The following EIF3H variants were observed in gnomAD, a reference collection of about 807,000 sequenced individuals.
The protein encoded by EIF3H is eukaryotic translation initiation factor 3 subunit H.
EIF3H carries 26 observed loss-of-function variants against 44.2 expected under a neutral mutation model. The ratio of observed to expected loss-of-function variants is 0.59; its 90% CI spans 0.43 to 0.82. The LOEUF (loss-of-function observed/expected upper bound fraction) is 0.82. EIF3H is among the 40% of genes least tolerant of loss of function. The pLI, the probability that EIF3H is intolerant of heterozygous loss-of-function variation, is 0.00. For synonymous variants in EIF3H, 166 were observed against 151.9 expected, an observed-to-expected ratio of 1.09 and a Z score of -0.68; for missense variants, 359 against 432.8, an observed-to-expected ratio of 0.83 and a Z score of 1.51.
chr8:116,722,595 T>C (rs1814768309), intron 2 of EIF3H, among the ~76,000 whole-genome samples: 1 of 152,200 alleles, frequency 6.6e-6, no homozygotes, highest in Non-Finnish European at 1.5e-5. Context: ...TGTAGTATTA[T>C]ATTTTTTTAA....
chr8:116,695,266 A>C (rs970295512), intron 2 of EIF3H, among the ~76,000 whole-genome samples: 3 of 151,954 alleles, frequency 2.0e-5, no homozygotes, highest in Non-Finnish European at 4.4e-5. Flanking sequence ...ATGGGGTTTC[A>C]CCATGTTGGC....
At chr8:116,649,038 A>G in intron 5 of EIF3H, 112 bp from the exon 6 acceptor site, 1 of 912,262 alleles carries the variant, frequency 1.1e-6, no homozygotes, top group East Asian at 2.9e-5. Context: ...AAAGAATGAG[A>G]GCACACATAT....
intron 2 of EIF3H, among the ~76,000 whole-genome samples, chr8:116,723,461 TA>T (rs1037093208): frequency 6.6e-6 from 1 of 152,158 alleles, no homozygotes; most frequent in African/African-American, 2.4e-5. Flanking sequence ...CATAAGGGTT[TA>T]AAAAAATCCA....
intron 1 of EIF3H, among the ~76,000 whole-genome samples, chr8:116,752,403 T>G (rs1295268614): frequency 1.3e-5 from 2 of 152,094 alleles, no homozygotes; most frequent in African/African-American, 4.8e-5. Flanking sequence ...CACAGTAATC[T>G]GAGTGTTTAC....
chr8:116,723,690 A>G (rs1392179608), intron 2 of EIF3H, among the ~76,000 whole-genome samples: 2 of 152,366 alleles, frequency 1.3e-5, no homozygotes, highest in Middle Eastern at 3.4e-3. Flanking sequence ...GTTAAAAGTC[A>G]TATCAAAAAT....
At chr8:116,676,614 G>A (rs1266491655) in intron 2 of EIF3H, among the ~76,000 whole-genome samples, 2 of 152,174 alleles carry the variant, frequency 1.3e-5, no homozygotes, top group African/African-American at 4.8e-5. Flanking sequence ...GATGAGATCT[G>A]GATGGGGTCA....
intron 1 of EIF3H, among the ~76,000 whole-genome samples, chr8:116,727,422 G>A (rs902668683): frequency 6.6e-6 from 1 of 152,224 alleles, no homozygotes; most frequent in Non-Finnish European, 1.5e-5. Context: ...AACTAAAACT[G>A]AGAAGAGTCC....
intron 2 of EIF3H, among the ~76,000 whole-genome samples, chr8:116,680,902 C>T (rs980298201): frequency 6.7e-6 from 1 of 150,078 alleles, no homozygotes; most frequent in African/African-American, 2.5e-5. Flanking sequence ...ATGTTTATTG[C>T]GCATGTCTGG....
At chr8:116,722,245 C>T (rs1441187438) in intron 2 of EIF3H, among the ~76,000 whole-genome samples, 1 of 152,186 alleles carries the variant, frequency 6.6e-6, no homozygotes, top group Non-Finnish European at 1.5e-5. Flanking sequence ...ACTTGGTTCT[C>T]ATTTTCTTTC....
At position 116,672,749 on chromosome 8, in the gene EIF3H, A is replaced by G. The variant is rs552156900; in HGVS notation, c.290-13769T>C. Among the ~76,000 whole-genome samples, 20 of 152,314 alleles carry G rather than the reference A, an allele frequency of 1.3e-4. No homozygotes were observed. The Middle Eastern group carries it at 0.01, about 78-fold the overall frequency. ...AGATTTCTAGTCTAAAGATGACACC[A>G]AAGAGCTTATGTGGGTTCCCTGACA... On this transcript the variant is annotated intron_variant, in intron 2 of 7. Transcript: ENST00000521861.
At chr8:116,702,623 TATA>T (rs1814396875) in intron 2 of EIF3H, among the ~76,000 whole-genome samples, 1 of 152,034 alleles carries the variant, frequency 6.6e-6, no homozygotes, top group South Asian at 2.1e-4. Context: ...ATGAGCAATA[TATA>T]ATATAAACTG....
intron 2 of EIF3H, among the ~76,000 whole-genome samples, chr8:116,683,180 T>C (rs545872447): frequency 6.6e-6 from 1 of 152,348 alleles, no homozygotes; most frequent in East Asian, 1.9e-4. Context: ...GGCTGCTTCA[T>C]ACATATTTGC....
At chr8:116,698,295 T>C (rs1335686197) in intron 2 of EIF3H, among the ~76,000 whole-genome samples, 3 of 152,086 alleles carry the variant, frequency 2.0e-5, no homozygotes, top group Admixed American at 6.5e-5. Context: ...AAAAGGGGCA[T>C]AAGGTACAAT....
intron 1 of EIF3H, among the ~76,000 whole-genome samples, chr8:116,746,166 T>C (rs1190450506): frequency 6.6e-6 from 1 of 152,184 alleles, no homozygotes; most frequent in Non-Finnish European, 1.5e-5. Context: ...ATATGACTGA[T>C]TATCAAACGT....
At chr8:116,689,085 A>G (rs1185700270) in intron 2 of EIF3H, 1 of 448,050 alleles carries the variant, frequency 2.2e-6, no homozygotes, top group Admixed American at 2.4e-5. Context: ...TTAATGGAAT[A>G]CTACTCAGCA....
intron 2 of EIF3H, among the ~76,000 whole-genome samples, chr8:116,716,346 A>C (rs1814659022): frequency 6.6e-6 from 1 of 152,058 alleles, no homozygotes; most frequent in African/African-American, 2.4e-5. Context: ...ATTACAACTT[A>C]ATATGTGTTT....
chr8:116,654,443 A>AT (rs1813454040), intron 5 of EIF3H, among the ~76,000 whole-genome samples: 1 of 152,234 alleles, frequency 6.6e-6, no homozygotes, highest in African/African-American at 2.4e-5. Flanking sequence ...GACATGAATT[A>AT]TGTAAGCAAA....
chr8:116,713,605 C>G (rs1357013997), intron 2 of EIF3H, among the ~76,000 whole-genome samples: 1 of 152,060 alleles, frequency 6.6e-6, no homozygotes, highest in African/African-American at 2.4e-5. Context: ...AGAACTGATG[C>G]TTCCTATTCA....
intron 1 of EIF3H, among the ~76,000 whole-genome samples, chr8:116,752,295 G>A (rs913446049): frequency 6.6e-6 from 1 of 152,098 alleles, no homozygotes; most frequent in Non-Finnish European, 1.5e-5. Flanking sequence ...TGATTACCAG[G>A]AGCACTGAAG....
Sources: allele counts gnomAD v4.1 joint callset (sites outside exome capture counted in the v4.1 genomes callset), GRCh38; gene constraint gnomAD v4.1.1; transcripts MANE v1.5; gene names NCBI Gene and HGNC (gene_info 2026-07-23, HGNC 2026-07-21).